Variants in PRR29 observed in about 807,000 individuals in gnomAD.
The protein encoded by PRR29 is proline-rich protein 29.
A neutral mutation model predicts 25.1 loss-of-function variants in PRR29; 20 were observed. That is an observed-to-expected ratio of 0.80 (90% CI 0.56 to 1.16). PRR29 has a LOEUF of 1.16. Among genes scored for constraint, PRR29 ranks in the 50% most tolerant of loss-of-function variants. The pLI, the probability that PRR29 is intolerant of heterozygous loss-of-function variation, is 0.00. For synonymous variants in PRR29, 108 were observed against 102.6 expected, an observed-to-expected ratio of 1.05 and a Z score of -0.32; for missense variants, 238 against 246.6, an observed-to-expected ratio of 0.97 and a Z score of 0.23.
At chr17:64,000,704 G>A (rs893759077) in intron 3 of PRR29, among the ~76,000 whole-genome samples, 1 of 150,228 alleles carries the variant, frequency 6.7e-6, no homozygotes, top group African/African-American at 2.5e-5. Context: ...CCAGGCTGGA[G>A]TGCAGTAGCT....
rs781613806 is a variant in PRR29 at position 64,001,918 on chromosome 17, C to T, written c.*157C>T. On this transcript the variant is annotated 3_prime_UTR_variant, in exon 6 of 6. Transcript: ENST00000412177. The stretch of plus-strand genomic sequence containing the variant: ...CCAGGCCCTCTTCTCCTGGGGAAAT[C>T]AGTCCCTGCCCCACGCCAATGAGTT... The T allele has an allele frequency of 6.5e-7, 1 of 1,535,670 alleles. No homozygotes were observed. Among genetic ancestry groups the T allele is most frequent in the Admixed American group, 2.0e-5 (1 of 50,982 alleles).
chr17:64,001,387 G>A lies in PRR29; in HGVS notation c.470+77G>A, dbSNP rs927799183. ...AAGAGCTGTGCAGGGGCTGGTGGTC[G>A]GTGGAGATAACTTGTGGGTGAAACT... On this transcript the variant is annotated intron_variant, in intron 4 of 5. Transcript: ENST00000412177. 35 of 1,487,344 alleles carry A rather than the reference G, an allele frequency of 2.4e-5. No individual in the cohort carries two copies. In the African/African-American group the frequency reaches 2.6e-4, roughly 11 times the overall value. 92.1% of individuals were successfully genotyped at this position (1,487,344 alleles called of 1,614,324 possible). A position where few individuals can be genotyped will look rare whatever the true frequency, so the allele number is the denominator to read the frequency against.
In PRR29 at chr17:64,002,865, AG is replaced by A; in HGVS notation, c.*1107del. 3 of 1,613,944 alleles carry A rather than the reference AG, an allele frequency of 1.9e-6. No individual in the cohort carries two copies. Among genetic ancestry groups the A allele is most frequent in the Non-Finnish European group, 2.5e-6 (3 of 1,179,976 alleles). ...GCAGAGCAGGACAGATGTCACGAACAGGGACAGCAACACCGACACCACCGTG... is the reference window on the plus strand; with the variant it reads ...GCAGAGCAGGACAGATGTCACGAACAGGACAGCAACACCGACACCACCGTG... On this transcript the variant is annotated 3_prime_UTR_variant, in exon 6 of 6. Coordinates refer to ENST00000412177, the MANE Select transcript of PRR29 (RefSeq NM_001164257.2).
rs193193979 is a variant in PRR29 at position 64,004,280 on chromosome 17, A to G, written c.*2519A>G. On this transcript the variant is annotated 3_prime_UTR_variant, in exon 6 of 6. Coordinates refer to ENST00000412177, the MANE Select transcript of PRR29 (RefSeq NM_001164257.2). Reference sequence around the variant, plus strand: ...CAGAAATGAAATATAAATTTCAAACATTAAACAGTTGGGTGATCACGTTGA... The same window carrying G: ...CAGAAATGAAATATAAATTTCAAACGTTAAACAGTTGGGTGATCACGTTGA... 1.8e-5 allele frequency: 6 copies of G among 328,658 alleles called. No homozygotes were observed. The South Asian group carries it at 2.2e-4, about 12-fold the overall frequency. The allele number at this position is 328,658 out of a possible 1,614,324, so 20.4% of individuals were successfully genotyped here.
In PRR29 at chr17:64,002,644, C is replaced by G. The variant is rs2143160035; in HGVS notation, c.*883C>G. 1.9e-6 allele frequency: 2 copies of G among 1,056,998 alleles called. No homozygotes were observed. The highest frequency in any genetic ancestry group is 5.0e-5 in the East Asian group (2 of 39,728). 65.5% of individuals were successfully genotyped at this position (1,056,998 alleles called of 1,614,324 possible). Reference sequence around the variant, plus strand: ...CTAGAAAAGGCAATGTCCCAAGTCTCTGCTGCCTGTCACAGTCCTTCAGCC... The same window carrying G: ...CTAGAAAAGGCAATGTCCCAAGTCTGTGCTGCCTGTCACAGTCCTTCAGCC... On this transcript the variant is annotated 3_prime_UTR_variant, in exon 6 of 6. Coordinates refer to ENST00000412177, the MANE Select transcript of PRR29 (RefSeq NM_001164257.2).
In PRR29 at chr17:64,002,579, A is replaced by T; in HGVS notation, c.*818A>T. On this transcript the variant is annotated 3_prime_UTR_variant, in exon 6 of 6. Coordinates refer to ENST00000412177, the MANE Select transcript of PRR29 (RefSeq NM_001164257.2). The stretch of plus-strand genomic sequence containing the variant: ...GGCCATTGTTATCCCAGGAGGAGAC[A>T]CTGTGGGCACAGGGCTAAGTCCAGG... The T allele has an allele frequency of 1.6e-6, 1 of 645,118 alleles. No individual in the cohort carries two copies. The highest frequency in any genetic ancestry group is 2.6e-6 in the Non-Finnish European group (1 of 382,198). The allele number at this position is 645,118 out of a possible 1,614,324, so 40.0% of individuals were successfully genotyped here. A position where few individuals can be genotyped will look rare whatever the true frequency, so the allele number is the denominator to read the frequency against.
rs1440113293 is a variant in PRR29 at position 64,001,937 on chromosome 17, A to G, written c.*176A>G. The stretch of plus-strand genomic sequence containing the variant: ...GGAAATCAGTCCCTGCCCCACGCCA[A>G]TGAGTTCCTGGACGGGCCGGATCTG... On this transcript the variant is annotated 3_prime_UTR_variant, in exon 6 of 6. Coordinates refer to ENST00000412177, the MANE Select transcript of PRR29 (RefSeq NM_001164257.2). The G allele has an allele frequency of 3.9e-6, 6 of 1,535,062 alleles. No individual in the cohort carries two copies. Among genetic ancestry groups the G allele is most frequent in the Middle Eastern group, 3.3e-4 (2 of 5,988 alleles).
chr17:64,003,887 C>A lies in PRR29; in HGVS notation c.*2126C>A. On this transcript the variant is annotated 3_prime_UTR_variant, in exon 6 of 6. Coordinates refer to ENST00000412177, the MANE Select transcript of PRR29 (RefSeq NM_001164257.2). Reference sequence around the variant, plus strand: ...CTGTCCAGGGGCTCCACGGTGGGCACCCTGCACTCAATGGTGAAGGACTTG... The same window carrying A: ...CTGTCCAGGGGCTCCACGGTGGGCAACCTGCACTCAATGGTGAAGGACTTG... The A allele has an allele frequency of 6.2e-7, 1 of 1,614,184 alleles. No homozygotes were observed. Among genetic ancestry groups the A allele is most frequent in the Non-Finnish European group, 8.5e-7 (1 of 1,180,008 alleles).
At position 63,998,797 on chromosome 17, in the gene PRR29, T is replaced by TTCCCCCC; in HGVS notation, c.136+15_136+16insTCCCCCC. The TTCCCCCC allele has an allele frequency of 9.4e-7, 1 of 1,062,606 alleles. No homozygotes were observed. The highest frequency in any genetic ancestry group is 1.3e-6 in the Non-Finnish European group (1 of 761,704). The allele number at this position is 1,062,606 out of a possible 1,614,324, so 65.8% of individuals were successfully genotyped here. On this transcript the variant is annotated intron_variant, in intron 2 of 5. Transcript: ENST00000412177. ...CGTGAAGGAAGGTGAGACTCCCGGG[T>TTCCCCCC]CCCCCCACCCCACCCCCACCATCAC...
rs559319938 is a variant in PRR29 at position 63,998,354 on chromosome 17, C to A, written c.-11C>A. The A allele has an allele frequency of 7.7e-5, 118 of 1,531,564 alleles. 1 individual carries two copies. The East Asian group carries it at 2.7e-3, about 34-fold the overall frequency. The allele number at this position is 1,531,564 out of a possible 1,614,324, so 94.9% of individuals were successfully genotyped here. A position where few individuals can be genotyped will look rare whatever the true frequency, so the allele number is the denominator to read the frequency against. On this transcript the variant is annotated 5_prime_UTR_variant, in exon 1 of 6. Transcript: ENST00000412177. ...GCGTCCTCGGCGTCGCCAAGGCAAC[C>A]GGCGCCAGCCATGGCCTCTGGGGCG...
Position 64,001,133 on chromosome 17 carries a change from T to G in PRR29, c.293T>G (p.Met98Arg), listed in dbSNP as rs915096767. The G allele has an allele frequency of 1.8e-5, 27 of 1,537,326 alleles. No individual in the cohort carries two copies. Among genetic ancestry groups the G allele is most frequent in the Non-Finnish European group, 2.3e-5 (26 of 1,146,982 alleles). ...GAGCCTGAGGAGGAGGAGGAGGAGA[T>G]GGACGTGCGGGAGAAAGGGCCTTTG... Reference protein sequence around the residue: ...QEEPEEEEEEMDVREKGPLVF... With the variant: ...QEEPEEEEEERDVREKGPLVF... Residue 98 changes from methionine (M) to arginine (R), a missense_variant, in exon 4 of 6, where the codon ATG becomes AGG. Coordinates refer to ENST00000412177, the MANE Select transcript of PRR29 (RefSeq NM_001164257.2).
chr17:64,001,482 AC>A lies in PRR29; in HGVS notation c.491del (p.Pro164HisfsTer98), dbSNP rs1910741096. On this transcript the variant is annotated frameshift_variant, in exon 5 of 6. Coordinates refer to ENST00000412177, the MANE Select transcript of PRR29 (RefSeq NM_001164257.2). LOFTEE classifies it high-confidence loss of function. ...REREVRAVPP[P>X]PPPSATGTVG... ...CCCATCTCAGGAGAGCTGTGCCCCC[AC>A]CCCCACCCCCCAGTGCCACAGGGAC... 6.8e-7 allele frequency: 1 copy of A among 1,471,706 alleles called. No individual in the cohort carries two copies. The highest frequency in any genetic ancestry group is 9.0e-7 in the Non-Finnish European group (1 of 1,117,088). 91.2% of individuals were successfully genotyped at this position (1,471,706 alleles called of 1,614,324 possible). A position where few individuals can be genotyped will look rare whatever the true frequency, so the allele number is the denominator to read the frequency against.
Position 64,002,446 on chromosome 17 carries a change from C to A in PRR29, c.*685C>A. ...ACCCTCCCTCAGTAGCAATGAGCTA[C>A]TCGGGCCAGATGGGGGCCTGTTGCA... is the stretch of plus-strand genomic sequence containing the variant. On this transcript the variant is annotated 3_prime_UTR_variant, in exon 6 of 6. Coordinates refer to ENST00000412177, the MANE Select transcript of PRR29 (RefSeq NM_001164257.2). 1 of 458,216 alleles carries A rather than the reference C, an allele frequency of 2.2e-6. No individual in the cohort carries two copies. The highest frequency in any genetic ancestry group is 3.8e-5 in the East Asian group (1 of 26,412). 28.4% of individuals were successfully genotyped at this position (458,216 alleles called of 1,614,324 possible).
intron 5 of PRR29, 56 bp from the exon 6 acceptor site, chr17:64,001,677 C>T: frequency 6.5e-7 from 1 of 1,530,780 alleles, no homozygotes; most frequent in South Asian, 1.2e-5. Flanking sequence ...TTCCCTTTAC[C>T]TCTTTGGGGT....
Position 64,004,063 on chromosome 17 carries a change from G to C in PRR29, c.*2302G>C. ...ATCTCCTGTCACCATGGTGTTCCACGGTTGGGGAGGAGGTGGCCTGGCCGG... is the reference window on the plus strand; with the variant it reads ...ATCTCCTGTCACCATGGTGTTCCACCGTTGGGGAGGAGGTGGCCTGGCCGG... On this transcript the variant is annotated 3_prime_UTR_variant, in exon 6 of 6. Coordinates refer to ENST00000412177, the MANE Select transcript of PRR29 (RefSeq NM_001164257.2). 1.1e-6 allele frequency: 1 copy of C among 944,728 alleles called. No individual in the cohort carries two copies. The highest frequency in any genetic ancestry group is 1.7e-5 in the South Asian group (1 of 59,538). The allele number at this position is 944,728 out of a possible 1,614,324, so 58.5% of individuals were successfully genotyped here. A position where few individuals can be genotyped will look rare whatever the true frequency, so the allele number is the denominator to read the frequency against.
At position 64,001,454 on chromosome 17, in the gene PRR29, TC is replaced by T. The variant is rs1443257275; in HGVS notation, c.471-8del. On this transcript the variant is annotated splice_polypyrimidine_tract_variant and intron_variant, in intron 4 of 5. Coordinates refer to ENST00000412177, the MANE Select transcript of PRR29 (RefSeq NM_001164257.2). The stretch of plus-strand genomic sequence containing the variant: ...GGCCTCTGATGGGGGTCTTTTTCTT[TC>T]CCCCATCTCAGGAGAGCTGTGCCCC... 6.7e-7 allele frequency: 1 copy of T among 1,496,076 alleles called. No individual in the cohort carries two copies. Among genetic ancestry groups the T allele is most frequent in the South Asian group, 1.3e-5 (1 of 78,728 alleles). 92.7% of individuals were successfully genotyped at this position (1,496,076 alleles called of 1,614,324 possible).
In PRR29 at chr17:64,003,848, G is replaced by A; in HGVS notation, c.*2087G>A. 1 of 1,614,262 alleles carries A rather than the reference G, an allele frequency of 6.2e-7. No homozygotes were observed. Among genetic ancestry groups the A allele is most frequent in the Non-Finnish European group, 8.5e-7 (1 of 1,180,052 alleles). On this transcript the variant is annotated 3_prime_UTR_variant, in exon 6 of 6. Coordinates refer to ENST00000412177, the MANE Select transcript of PRR29 (RefSeq NM_001164257.2). ...TGCAGAGTCTCATTGCCACGGAACA[G>A]GAAGAGGGTGAGGCTGTCCAGGGGC...
rs183380523 is a variant in PRR29 at position 64,003,635 on chromosome 17, C to T, written c.*1874C>T. On this transcript the variant is annotated 3_prime_UTR_variant, in exon 6 of 6. Coordinates refer to ENST00000412177, the MANE Select transcript of PRR29 (RefSeq NM_001164257.2). ...TCACTCCCAACTCCATCCACGGATC[C>T]CCCCTCACCATAGATCTCCAACATC... The T allele has an allele frequency of 1.3e-4, 211 of 1,607,124 alleles. 2 individuals carry two copies. The East Asian group carries it at 2.6e-3, about 20-fold the overall frequency.
rs1349643010 is a variant in PRR29 at position 64,002,151 on chromosome 17, G to T, written c.*390G>T. ...GCCTAGTAATGGAGCAAGAGGGGAG[G>T]GGGGGATTCCTTCTGCTTTCCACAG... On this transcript the variant is annotated 3_prime_UTR_variant, in exon 6 of 6. Transcript: ENST00000412177. 1.1e-5 allele frequency: 9 copies of T among 796,310 alleles called. No homozygotes were observed. Among genetic ancestry groups the T allele is most frequent in the South Asian group, 1.8e-5 (1 of 54,406 alleles). 49.3% of individuals were successfully genotyped at this position (796,310 alleles called of 1,614,324 possible).
Sources: gnomAD v4.1 joint callset for allele counts (sites outside exome capture counted in the v4.1 genomes callset) on GRCh38, gnomAD v4.1.1 for gene constraint, MANE v1.5 for transcripts, NCBI Gene and HGNC (gene_info 2026-07-23, HGNC 2026-07-21) for gene names.